Variants in RBP2 observed in about 807,000 individuals in gnomAD.
RBP2 encodes retinol-binding protein 2.
Under a neutral mutation model 17.0 loss-of-function variants are expected in RBP2, and 17 were observed. That is an observed-to-expected ratio of 1.00 (90% CI 0.68 to 1.50). The LOEUF (loss-of-function observed/expected upper bound fraction) is 1.50. RBP2 is among the 40% of genes most tolerant of loss of function. RBP2 has a pLI of 0.00. For missense variants in RBP2, 158 were observed against 168.2 expected, an observed-to-expected ratio of 0.94 and a Z score of 0.33; for synonymous variants, 48 against 57.1, an observed-to-expected ratio of 0.84 and a Z score of 0.72.
At chr3:139,470,901 A>G (rs1933543708) in intron 1 of RBP2, among the ~76,000 whole-genome samples, 1 of 152,038 alleles carries the variant, frequency 6.6e-6, no homozygotes, top group Non-Finnish European at 1.5e-5. Flanking sequence ...GTTCTTGAAC[A>G]CACCCAAAAC....
At chr3:139,474,616 G>T (rs1158561696) in intron 1 of RBP2, among the ~76,000 whole-genome samples, 1 of 152,142 alleles carries the variant, frequency 6.6e-6, no homozygotes, top group Non-Finnish European at 1.5e-5. Context: ...AAAACCACAA[G>T]TACATCTAAT....
At chr3:139,462,383 G>C in intron 1 of RBP2, 93 bp from the exon 2 acceptor site, 1 of 1,320,274 alleles carries the variant, frequency 7.6e-7, no homozygotes, top group Non-Finnish European at 1.1e-6. Context: ...TAGAGACACA[G>C]ATTGTGTGTA....
At chr3:139,454,870 T>C in intron 2 of RBP2, 40 bp from the exon 3 acceptor site, 2 of 1,580,128 alleles carry the variant, frequency 1.3e-6, no homozygotes, top group East Asian at 4.5e-5. Flanking sequence ...ACACATGGTC[T>C]TGAGGGACTG....
intron 1 of RBP2, among the ~76,000 whole-genome samples, chr3:139,465,405 A>G (rs1933324350): frequency 6.6e-6 from 1 of 152,144 alleles, no homozygotes; most frequent in South Asian, 2.1e-4. Context: ...TATTCTTCAA[A>G]TAAACCCACA....
At position 139,471,148 on chromosome 3, in the gene RBP2, C is replaced by T. The variant is rs1933552994; in HGVS notation, c.73+5239G>A. Among the ~76,000 whole-genome samples, 3 of 152,168 alleles carry T rather than the reference C, an allele frequency of 2.0e-5. No individual in the cohort carries two copies. The South Asian group carries it at 6.2e-4, about 32-fold the overall frequency. Reference sequence around the variant, plus strand: ...GCAGGGAACTCGTCTCCTCATTTCCCACTATATCTCCAATGCCTAGAGCAC... The same window carrying T: ...GCAGGGAACTCGTCTCCTCATTTCCTACTATATCTCCAATGCCTAGAGCAC... On this transcript the variant is annotated intron_variant, in intron 1 of 3. Coordinates refer to ENST00000232217, the MANE Select transcript of RBP2 (RefSeq NM_004164.3).
intron 2 of RBP2, among the ~76,000 whole-genome samples, chr3:139,459,433 T>TGTGTGTGTGTGTGTGTG (rs1553721536): frequency 6.8e-6 from 1 of 147,622 alleles, no homozygotes; most frequent in Non-Finnish European, 1.5e-5. Context: ...TGTGTGTGTA[T>TGTGTGTGTGTGTGTGTG]TCATATTTAC....
intron 1 of RBP2, among the ~76,000 whole-genome samples, chr3:139,471,072 A>G (rs1933550434): frequency 6.6e-6 from 1 of 152,100 alleles, no homozygotes; most frequent in Non-Finnish European, 1.5e-5. Flanking sequence ...AAATAACCTT[A>G]AACTATTTGT....
intron 1 of RBP2, among the ~76,000 whole-genome samples, chr3:139,475,818 C>T (rs79992192): frequency 0.032 from 4,929 of 152,290 alleles, 257 homozygotes; most frequent in African/African-American, 0.11. Context: ...TCAGGACATG[C>T]ACCAATTGGT....
chr3:139,454,555 C>T (rs938468172), intron 3 of RBP2, among the ~76,000 whole-genome samples, 174 bp downstream of exon 3: 3 of 152,206 alleles, frequency 2.0e-5, no homozygotes, highest in Non-Finnish European at 4.4e-5. Flanking sequence ...AGATTTCTTC[C>T]TGGAGTCCCC....
intron 3 of RBP2, 83 bp from the exon 4 acceptor site, chr3:139,453,249 TGG>T: frequency 6.7e-7 from 1 of 1,493,424 alleles, no homozygotes; most frequent in Non-Finnish European, 9.3e-7. Flanking sequence ...TATCTGGGGG[TGG>T]GAGGTTGGAA....
Position 139,468,913 on chromosome 3 carries a change from GA to G in RBP2, c.74-6624del, listed in dbSNP as rs529201479. Among the ~76,000 whole-genome samples, 7 of 151,238 alleles carry G rather than the reference GA, an allele frequency of 4.6e-5. No homozygotes were observed. In the East Asian group the frequency reaches 1.2e-3, roughly 25 times the overall value. On this transcript the variant is annotated intron_variant, in intron 1 of 3. Coordinates refer to ENST00000232217, the MANE Select transcript of RBP2 (RefSeq NM_004164.3). ...ATATGGCTTTTAGCTGCTGCAGAAG[GA>G]AAAAAAACAACACGGACCTGACTTT...
At chr3:139,461,797 C>T (rs1187270792) in intron 2 of RBP2, among the ~76,000 whole-genome samples, 1 of 152,210 alleles carries the variant, frequency 6.6e-6, no homozygotes, top group Non-Finnish European at 1.5e-5. Context: ...TGCTCCCCAG[C>T]AGGTGCAGGT....
intron 1 of RBP2, among the ~76,000 whole-genome samples, chr3:139,465,175 G>A (rs1576424772): frequency 6.6e-6 from 1 of 152,126 alleles, no homozygotes; most frequent in Non-Finnish European, 1.5e-5. Flanking sequence ...CAAGATGAGA[G>A]CCAGGGAATA....
chr3:139,459,400 A>ATATATATGTG (rs111417242), intron 2 of RBP2, among the ~76,000 whole-genome samples: 1 of 128,552 alleles, frequency 7.8e-6, no homozygotes, highest in East Asian at 2.5e-4. Context: ...TACTATATAT[A>ATATATATGTG]TGTGTGTGTG....
intron 1 of RBP2, among the ~76,000 whole-genome samples, chr3:139,462,792 A>T (rs971968244): frequency 1.3e-5 from 2 of 152,166 alleles, no homozygotes; most frequent in South Asian, 4.1e-4. Flanking sequence ...TTTTAACAGC[A>T]GACTGTTCTG....
intron 1 of RBP2, among the ~76,000 whole-genome samples, chr3:139,475,226 A>G (rs572640470): frequency 6.6e-6 from 1 of 150,606 alleles, no homozygotes; most frequent in African/African-American, 2.4e-5. Flanking sequence ...AGGCTGAGGC[A>G]GGAGAATGGC....
chr3:139,476,020 A>C (rs1933726850), intron 1 of RBP2, among the ~76,000 whole-genome samples: 1 of 152,210 alleles, frequency 6.6e-6, no homozygotes, highest in African/African-American at 2.4e-5. Context: ...GGATAATATC[A>C]GGTCCAAGTG....
chr3:139,476,478 G>T lies in RBP2; in HGVS notation c.-19C>A, dbSNP rs769649347. 6.2e-7 allele frequency: 1 copy of T among 1,612,724 alleles called. No individual in the cohort carries two copies. The highest frequency in any genetic ancestry group is 1.1e-5 in the South Asian group (1 of 90,998). ...TTGTCATGGTGGTGGCCACTGGTTCGGTGAGGGTTTGTGGTGGATGGCAAG... is the reference window on the plus strand; with the variant it reads ...TTGTCATGGTGGTGGCCACTGGTTCTGTGAGGGTTTGTGGTGGATGGCAAG... On this transcript the variant is annotated 5_prime_UTR_variant, in exon 1 of 4. Coordinates refer to ENST00000232217, the MANE Select transcript of RBP2 (RefSeq NM_004164.3).
chr3:139,466,142 C>A (rs1214897874), intron 1 of RBP2, among the ~76,000 whole-genome samples: 3 of 152,092 alleles, frequency 2.0e-5, no homozygotes, highest in East Asian at 3.9e-4. Context: ...TTCATAGATT[C>A]TTTAATATGG....
Sources: gnomAD v4.1 joint callset for allele counts (sites outside exome capture counted in the v4.1 genomes callset) on GRCh38, gnomAD v4.1.1 for gene constraint, MANE v1.5 for transcripts, NCBI Gene and HGNC (gene_info 2026-07-23, HGNC 2026-07-21) for gene names.